Variants in HPSE2 observed in about 807,000 individuals in gnomAD.
The protein encoded by HPSE2 is heparanase 2 (inactive), also known as inactive heparanase-2.
Under a neutral mutation model 60.5 loss-of-function variants are expected in HPSE2, and 38 were observed. The ratio of observed to expected loss-of-function variants is 0.63; its 90% CI spans 0.48 to 0.82. The LOEUF is 0.82. Ranked by LOEUF, HPSE2 falls within the 40% of genes least tolerant of loss-of-function variation. The pLI, the probability that HPSE2 is intolerant of heterozygous loss-of-function variation, is 0.00. For synonymous variants in HPSE2, 295 were observed against 293.2 expected (o/e 1.01, Z -0.06); for missense variants, 713 against 740.4 (o/e 0.96, Z 0.43).
chr10:99,270,560 T>G, the HPSE2 span, among the ~76,000 whole-genome samples: 1 of 152,072 alleles, frequency 6.6e-6, no homozygotes, highest in African/African-American at 2.4e-5. Context: ...TATCAGACAT[T>G]CAAAGAAGAA....
chr10:98,924,242 G>A (rs931399865), intron 3 of HPSE2, among the ~76,000 whole-genome samples: 3 of 152,082 alleles, frequency 2.0e-5, no homozygotes, highest in Non-Finnish European at 2.9e-5. Flanking sequence ...TCTCTGTGCC[G>A]AACCACCTGG....
intron 3 of HPSE2, among the ~76,000 whole-genome samples, chr10:98,904,206 G>A (rs1953745944): frequency 6.6e-6 from 1 of 151,974 alleles, no homozygotes; most frequent in Non-Finnish European, 1.5e-5. Context: ...TAAAATCTGA[G>A]AAAAATAATT....
upstream of HPSE2, chr10:99,235,941 C>T: frequency 1.4e-6 from 1 of 702,970 alleles, no homozygotes; most frequent in Non-Finnish European, 2.6e-6. Flanking sequence ...CACACACACT[C>T]TCTCTCTCTC....
chr10:98,619,906 C>T (rs1213063287), intron 8 of HPSE2, among the ~76,000 whole-genome samples: 16 of 152,216 alleles, frequency 1.1e-4, no homozygotes, highest in Admixed American at 9.8e-4. Flanking sequence ...TGGTCTACTG[C>T]AGTGGTAAAG....
At chr10:99,032,110 A>G (rs1465959323) in intron 3 of HPSE2, among the ~76,000 whole-genome samples, 1 of 152,226 alleles carries the variant, frequency 6.6e-6, no homozygotes, top group Non-Finnish European at 1.5e-5. Context: ...CATCATAAAT[A>G]TGACATTGAA....
chr10:98,630,196 T>TTG (rs1565031176), intron 7 of HPSE2, among the ~76,000 whole-genome samples: 21 of 131,312 alleles, frequency 1.6e-4, no homozygotes, highest in African/African-American at 5.8e-4. Context: ...TTTTTTTTTG[T>TTG]TTTTTTTTTT....
intron 3 of HPSE2, among the ~76,000 whole-genome samples, chr10:99,054,506 G>A (rs1958064739): frequency 6.6e-6 from 1 of 152,130 alleles, no homozygotes; most frequent in Non-Finnish European, 1.5e-5. Context: ...CAGTTTGCAA[G>A]TTAAGTCCTA....
chr10:98,845,349 G>A (rs1042154606), intron 3 of HPSE2, among the ~76,000 whole-genome samples: 2 of 152,212 alleles, frequency 1.3e-5, no homozygotes, highest in Admixed American at 1.3e-4. Context: ...AGTTTATACT[G>A]TTTGTTACAG....
chr10:98,887,291 G>T (rs981344840), intron 3 of HPSE2, among the ~76,000 whole-genome samples: 1 of 151,958 alleles, frequency 6.6e-6, no homozygotes, highest in South Asian at 2.1e-4. Context: ...TTCTGCAGTG[G>T]GGAAAAAGAT....
Position 98,500,414 on chromosome 10 carries a change from C to T in HPSE2, c.1321-10218G>A, listed in dbSNP as rs533026586. On this transcript the variant is annotated intron_variant, in intron 9 of 11. Transcript: ENST00000370552. The stretch of plus-strand genomic sequence containing the variant: ...ATACATGAAAATTAAATAACCTGCT[C>T]CTGAATGAGCATTGGGTCAAAAACG... Among the ~76,000 whole-genome samples, 23 of 152,248 alleles carry T rather than the reference C, an allele frequency of 1.5e-4. 1 individual carries two copies. The highest frequency in any genetic ancestry group is 3.4e-3 in the Middle Eastern group (1 of 294).
At chr10:99,270,130 A>T in the HPSE2 span, among the ~76,000 whole-genome samples, 1 of 152,226 alleles carries the variant, frequency 6.6e-6, no homozygotes, top group East Asian at 1.9e-4. Flanking sequence ...AAATAACAAG[A>T]TCAGAGAACT....
At chr10:98,510,154 T>C (rs1207784971) in intron 9 of HPSE2, among the ~76,000 whole-genome samples, 1 of 152,202 alleles carries the variant, frequency 6.6e-6, no homozygotes, top group Non-Finnish European at 1.5e-5. Context: ...AATATGAATC[T>C]AATGCATATT....
intron 3 of HPSE2, among the ~76,000 whole-genome samples, chr10:98,964,077 G>A (rs1285646196): frequency 2.6e-5 from 4 of 152,142 alleles, no homozygotes; most frequent in Admixed American, 6.5e-5. Context: ...CACCTGCATA[G>A]TTCATAGTTC....
intron 6 of HPSE2, among the ~76,000 whole-genome samples, chr10:98,662,838 G>C (rs1947259998): frequency 6.6e-6 from 1 of 152,134 alleles, no homozygotes; most frequent in South Asian, 2.1e-4. Flanking sequence ...ATACATGCTT[G>C]AACAGTATAG....
chr10:99,135,204 C>CAGATTCATAA (rs141460484), intron 3 of HPSE2, among the ~76,000 whole-genome samples: 77,021 of 151,106 alleles, frequency 0.51, 21,313 homozygotes, highest in East Asian at 0.65. Flanking sequence ...CAAGAACACT[C>CAGATTCATAA]AGCAAGTTCT....
chr10:99,308,792 A>C, the HPSE2 span, among the ~76,000 whole-genome samples: 1 of 152,146 alleles, frequency 6.6e-6, no homozygotes, highest in South Asian at 2.1e-4. Context: ...CAGCATTCCT[A>C]CGTGGGATGA....
the HPSE2 span, among the ~76,000 whole-genome samples, chr10:99,260,379 CCT>C: frequency 6.6e-6 from 1 of 152,154 alleles, no homozygotes; most frequent in African/African-American, 2.4e-5. Context: ...AGACTGGTCC[CCT>C]GTCCTCGCCC....
intron 9 of HPSE2, among the ~76,000 whole-genome samples, chr10:98,584,462 A>C (rs1198823054): frequency 1.3e-5 from 2 of 152,198 alleles, no homozygotes; most frequent in Non-Finnish European, 2.9e-5. Flanking sequence ...CTGGTCAGGA[A>C]GATAAAAGCT....
chr10:99,167,008 TG>T (rs1847110884), intron 2 of HPSE2, among the ~76,000 whole-genome samples: 2 of 151,892 alleles, frequency 1.3e-5, no homozygotes, highest in African/African-American at 2.4e-5. Context: ...CCTTTTTGTT[TG>T]TTTGTTTGTT....
Sources: allele counts gnomAD v4.1 joint callset (sites outside exome capture counted in the v4.1 genomes callset), GRCh38; gene constraint gnomAD v4.1.1; transcripts MANE v1.5; gene names NCBI Gene and HGNC (gene_info 2026-07-23, HGNC 2026-07-21).